Variants in DDC observed in about 807,000 individuals in gnomAD.
DDC encodes the protein dopa decarboxylase, also known as aromatic-L-amino-acid decarboxylase.
Under a neutral mutation model 60.0 loss-of-function variants are expected in DDC, and 43 were observed. The ratio of observed to expected loss-of-function variants is 0.72; its 90% CI spans 0.56 to 0.92. The LOEUF is 0.92. Ranked by LOEUF, DDC falls within the 40% of genes least tolerant of loss-of-function variation. The probability of loss-of-function intolerance (pLI) is 0.00; values close to 1 mark genes in which losing one functional copy is unlikely to be tolerated. For synonymous variants in DDC, 232 were observed against 234.6 expected (o/e 0.99, Z 0.10); for missense variants, 573 against 620.2 (o/e 0.92, Z 0.81).
At chr7:50,528,718 C>G (rs1308821196) in intron 5 of DDC, among the ~76,000 whole-genome samples, 1 of 152,050 alleles carries the variant, frequency 6.6e-6, no homozygotes, top group Non-Finnish European at 1.5e-5. Context: ...AAGAAACCAG[C>G]CAGGAGGCAT....
intron 12 of DDC, among the ~76,000 whole-genome samples, chr7:50,468,143 C>A (rs1489341841): frequency 6.6e-6 from 1 of 152,236 alleles, no homozygotes; most frequent in African/African-American, 2.4e-5. Flanking sequence ...CGGCGCCTCG[C>A]GGGCAGGGGG....
At chr7:50,464,050 C>T (rs1436639160) in intron 13 of DDC, among the ~76,000 whole-genome samples, 1 of 152,010 alleles carries the variant, frequency 6.6e-6, no homozygotes, top group Non-Finnish European at 1.5e-5. Context: ...GCTTCCATAG[C>T]AGCCGGTCTT....
At chr7:50,492,168 C>G (rs187187079) in intron 9 of DDC, among the ~76,000 whole-genome samples, 123 of 152,346 alleles carry the variant, frequency 8.1e-4, no homozygotes, top group Middle Eastern at 6.8e-3. Flanking sequence ...CCTCTGGCCT[C>G]TAGGACTGAG....
At chr7:50,563,422 G>C (rs547096403) in intron 1 of DDC, among the ~76,000 whole-genome samples, 3 of 152,098 alleles carry the variant, frequency 2.0e-5, no homozygotes, top group Non-Finnish European at 4.4e-5. Context: ...TTTTCTAAAT[G>C]TTTACTAATG....
rs1181496880 is a variant in DDC at position 50,539,915 on chromosome 7, C to G, written c.315G>C (p.Trp105Cys). The G allele has an allele frequency of 4.3e-6, 7 of 1,612,854 alleles. No homozygotes were observed. The East Asian group carries it at 8.9e-5, about 21-fold the overall frequency. ...TCCCGAGGTGCATCCGGACCCTCAC[C>G]CAGGAGAAGCCGATGCAGCCAATGG... ...CGAIGCIGFSWAASPACTELE... is the reference protein window; with the variant it reads ...CGAIGCIGFSCAASPACTELE... Residue 105 changes from tryptophan (W) to cysteine (C), a missense_variant and splice_region_variant, in exon 3 of 15, where the codon TGG becomes TGC. Transcript: ENST00000444124.
At chr7:50,459,381 C>T (rs375800537) in intron 14 of DDC, among the ~76,000 whole-genome samples, 85 of 152,122 alleles carry the variant, frequency 5.6e-4, no homozygotes, top group Non-Finnish European at 6.0e-4. Flanking sequence ...GCCGCCACCC[C>T]GGTTGGGAAG....
At chr7:50,482,252 C>T (rs1373988032) in intron 9 of DDC, among the ~76,000 whole-genome samples, 1 of 152,164 alleles carries the variant, frequency 6.6e-6, no homozygotes, top group African/African-American at 2.4e-5. Context: ...TTGTAAACAA[C>T]CTATAGTGTT....
intron 4 of DDC, among the ~76,000 whole-genome samples, chr7:50,533,523 T>TG (rs35269833): frequency 0.76 from 116,284 of 152,038 alleles, 45,352 homozygotes; most frequent in Middle Eastern, 0.89. Context: ...CTTAAACTCC[T>TG]ACCTCAAATG....
intron 4 of DDC, among the ~76,000 whole-genome samples, chr7:50,534,825 C>G (rs1300378007): frequency 6.6e-6 from 1 of 152,208 alleles, no homozygotes; most frequent in Non-Finnish European, 1.5e-5. Context: ...CCCTCTGTCC[C>G]CTGGAGAATC....
At position 50,565,361 on chromosome 7, in the gene DDC, G is replaced by C. The variant is rs980288573; in HGVS notation, c.-105C>G. On this transcript the variant is annotated 5_prime_UTR_variant, in exon 1 of 15. Transcript: ENST00000444124. Reference sequence around the variant, plus strand: ...CAACTTTGGGGACTGAAGAGCATGTGGAGAAGCTGCTGAGGCACTCGGCAC... The same window carrying C: ...CAACTTTGGGGACTGAAGAGCATGTCGAGAAGCTGCTGAGGCACTCGGCAC... 7 of 152,220 alleles carry C rather than the reference G, an allele frequency of 4.6e-5. No individual in the cohort carries two copies. The highest frequency in any genetic ancestry group is 8.8e-5 in the Non-Finnish European group (6 of 68,048). The allele number at this position is 152,220 out of a possible 1,614,324, so 9.4% of individuals were successfully genotyped here.
At chr7:50,476,475 C>A (rs2042646175) in intron 11 of DDC, 149 bp downstream of exon 11, 1 of 745,634 alleles carries the variant, frequency 1.3e-6, no homozygotes, top group Non-Finnish European at 2.4e-6. Context: ...CCTGGCAGGA[C>A]CCCCCTAATT....
chr7:50,529,909 G>A (rs2044150081), intron 4 of DDC, among the ~76,000 whole-genome samples: 1 of 152,092 alleles, frequency 6.6e-6, no homozygotes, highest in African/African-American at 2.4e-5. Context: ...TTGGAGATAG[G>A]CTTTTTAGAG....
chr7:50,527,983 G>T, intron 6 of DDC, 154 bp downstream of exon 6: 1 of 779,308 alleles, frequency 1.3e-6, no homozygotes, highest in Non-Finnish European at 2.0e-6. Context: ...TGCAACCTCC[G>T]CCTCCCGGGT....
intron 11 of DDC, among the ~76,000 whole-genome samples, chr7:50,473,433 T>C (rs2042576183): frequency 6.6e-6 from 1 of 152,118 alleles, no homozygotes; most frequent in Non-Finnish European, 1.5e-5. Context: ...TAGAAGCCCC[T>C]CTGCTCCAGA....
intron 6 of DDC, among the ~76,000 whole-genome samples, chr7:50,508,474 C>T (rs1161165437): frequency 6.6e-6 from 1 of 152,234 alleles, no homozygotes; most frequent in Non-Finnish European, 1.5e-5. Context: ...ACGTAAGTGC[C>T]TCGCAGGCAT....
chr7:50,537,037 G>T (rs918630035), intron 4 of DDC, among the ~76,000 whole-genome samples: 23 of 140,392 alleles, frequency 1.6e-4, no homozygotes, highest in African/African-American at 3.2e-4. Flanking sequence ...CTAGGAAGTT[G>T]TTTTTTTTTT....
chr7:50,528,842 T>C (rs1585236898), intron 5 of DDC, among the ~76,000 whole-genome samples: 1 of 152,204 alleles, frequency 6.6e-6, no homozygotes, highest in East Asian at 1.9e-4. Context: ...TGCTTGACGC[T>C]ACCCAGGGGC....
At chr7:50,499,301 A>T in intron 7 of DDC, 59 bp from the exon 8 acceptor site, 2 of 1,221,708 alleles carry the variant, frequency 1.6e-6, no homozygotes, top group Non-Finnish European at 2.4e-6. Flanking sequence ...GGAGCCTGCC[A>T]GCTGACCTCG....
chr7:50,507,944 C>T (rs540598139), intron 6 of DDC, among the ~76,000 whole-genome samples: 18 of 152,340 alleles, frequency 1.2e-4, no homozygotes, highest in African/African-American at 4.3e-4. Context: ...GGGTAATTGT[C>T]CCAGGACACC....
Sources: allele counts gnomAD v4.1 joint callset (sites outside exome capture counted in the v4.1 genomes callset), GRCh38; gene constraint gnomAD v4.1.1; transcripts MANE v1.5; gene names NCBI Gene and HGNC (gene_info 2026-07-23, HGNC 2026-07-21).